Variants in ATP8B1 observed in about 807,000 individuals in gnomAD.
ATP8B1 encodes the protein ATPase phospholipid transporting 8B1, also known as phospholipid-transporting ATPase IC.
In ATP8B1, 80 loss-of-function variants were observed where a neutral mutation model predicts 149.9. That is an observed-to-expected ratio of 0.53 (90% CI 0.45 to 0.64). ATP8B1 has a LOEUF of 0.64. Among genes scored for constraint, ATP8B1 ranks in the 30% least tolerant of loss-of-function variants. The pLI is 0.00. For missense variants in ATP8B1, 1,247 were observed against 1,552.6 expected (o/e 0.80, Z 3.31); for synonymous variants, 536 against 562.8 (o/e 0.95, Z 0.67).
In ATP8B1 at chr18:57,672,932, A is replaced by AT. The variant is rs1491183286; in HGVS notation, c.1820-1353_1820-1352insA. Among the ~76,000 whole-genome samples the AT allele has an allele frequency of 8.8e-3, 281 of 32,054 alleles. 24 individuals are homozygous for AT. Among genetic ancestry groups the AT allele is most frequent in the Middle Eastern group, 0.017 (1 of 58 alleles). 21.0% of individuals were successfully genotyped at this position (32,054 alleles called of 152,430 possible). A position where few individuals can be genotyped will look rare whatever the true frequency, so the allele number is the denominator to read the frequency against. ...TATATATATATATATATATATATAT[A>AT]ACATGTATATACACATATATACATA... On this transcript the variant is annotated intron_variant, in intron 16 of 27. Transcript: ENST00000648908.
chr18:57,719,730 G>A (rs572360002), intron 2 of ATP8B1, among the ~76,000 whole-genome samples: 29 of 152,330 alleles, frequency 1.9e-4, no homozygotes, highest in Middle Eastern at 3.4e-3. Flanking sequence ...CAAAGCAGCC[G>A]GGAAGCTCGA....
At chr18:57,789,999 G>A (rs1195308490) in intron 1 of ATP8B1, among the ~76,000 whole-genome samples, 1 of 152,060 alleles carries the variant, frequency 6.6e-6, no homozygotes, top group East Asian at 1.9e-4. Context: ...AGGTGTCCCA[G>A]CAACTCAAAC....
intron 1 of ATP8B1, among the ~76,000 whole-genome samples, chr18:57,795,045 A>G (rs147091766): frequency 1.3e-5 from 2 of 152,286 alleles, no homozygotes; most frequent in African/African-American, 4.8e-5. Flanking sequence ...GGGGGGCTCA[A>G]AAACTGACAT....
At chr18:57,764,386 T>C (rs1303902210) in intron 1 of ATP8B1, among the ~76,000 whole-genome samples, 3 of 148,352 alleles carry the variant, frequency 2.0e-5, no homozygotes, top group Middle Eastern at 3.3e-3. Context: ...TCTCTTTTTC[T>C]CTCTTTCTCT....
intron 1 of ATP8B1, among the ~76,000 whole-genome samples, chr18:57,790,287 G>A (rs560239511): frequency 6.6e-6 from 1 of 151,746 alleles, no homozygotes; most frequent in South Asian, 2.1e-4. Context: ...CCTTGCTTCT[G>A]GCCTCATTCC....
At chr18:57,731,268 T>C (rs2123131483) in intron 2 of ATP8B1, 1 of 147,672 alleles carries the variant, frequency 6.8e-6, no homozygotes, top group African/African-American at 2.6e-5. Flanking sequence ...TTCACACCAC[T>C]GGACTCCAGC....
intron 1 of ATP8B1, among the ~76,000 whole-genome samples, chr18:57,790,784 G>A (rs73446941): frequency 0.02 from 3,077 of 152,104 alleles, 82 homozygotes; most frequent in African/African-American, 0.062. Flanking sequence ...GCAGTGGTGC[G>A]ATCTCCACTC....
chr18:57,789,483 T>C lies in ATP8B1; in HGVS notation c.-26+13515A>G, dbSNP rs548249488. Among the ~76,000 whole-genome samples the C allele has an allele frequency of 7.2e-5, 11 of 152,306 alleles. No homozygotes were observed. The East Asian group carries it at 1.7e-3, about 24-fold the overall frequency. On this transcript the variant is annotated intron_variant, in intron 1 of 27. Transcript: ENST00000648908. ...ATATAACATGTGGAAATACAGTACA[T>C]TGAGCACAAAAGCAGCACCACTTTG...
intron 15 of ATP8B1, among the ~76,000 whole-genome samples, chr18:57,677,681 T>C (rs1911682185): frequency 6.6e-6 from 1 of 152,220 alleles, no homozygotes; most frequent in Admixed American, 6.5e-5. Flanking sequence ...AGTCATTCAC[T>C]AGAAGCTATA....
At chr18:57,753,931 C>CAAAAAAAAA (rs1218057370) in intron 1 of ATP8B1, among the ~76,000 whole-genome samples, 1 of 70,798 alleles carries the variant, frequency 1.4e-5, no homozygotes, top group Non-Finnish European at 2.5e-5. Context: ...GACTCTGTCT[C>CAAAAAAAAA]AAAAAAAAAA....
chr18:57,756,350 G>T (rs2080084039), intron 1 of ATP8B1, among the ~76,000 whole-genome samples: 2 of 138,754 alleles, frequency 1.4e-5, no homozygotes, highest in Admixed American at 1.5e-4. Context: ...ACCCAGGCTG[G>T]AGTGCAGTGG....
rs753142591 is a variant in ATP8B1 at position 57,704,608 on chromosome 18, C to G, written c.340G>C (p.Glu114Gln). Residue 114 changes from glutamate to glutamine, a missense_variant, in exon 4 of 28, where the codon GAG (glutamate) becomes CAG (glutamine). By Grantham distance (29) the Glu-to-Gln change is conservative. This residue lies in a region of ATP8B1 where 853 missense variants were observed against 1,035.7 expected (regional missense o/e 0.82). Coordinates refer to ENST00000648908, the MANE Select transcript of ATP8B1 (RefSeq NM_001374385.1). ...AAATTGGCTGCTCTCTTAAACTGCTCAAACAGATTCATTGGTATAAAGGTA... is the reference window on the plus strand; with the variant it reads ...AAATTGGCTGCTCTCTTAAACTGCTGAAACAGATTCATTGGTATAAAGGTA... ...AFTFIPMNLF[E>Q]QFKRAANLYF... 1.9e-5 allele frequency: 31 copies of G among 1,612,012 alleles called. No homozygotes were observed. Among genetic ancestry groups the G allele is most frequent in the Non-Finnish European group, 2.4e-5 (28 of 1,178,254 alleles).
At chr18:57,771,141 G>T (rs1009697740) in intron 1 of ATP8B1, among the ~76,000 whole-genome samples, 1 of 152,220 alleles carries the variant, frequency 6.6e-6, no homozygotes, top group Non-Finnish European at 1.5e-5. Context: ...AATTACAGGC[G>T]TGAGCCATTG....
At chr18:57,736,352 G>A (rs941537651) in intron 1 of ATP8B1, among the ~76,000 whole-genome samples, 3 of 150,658 alleles carry the variant, frequency 2.0e-5, no homozygotes, top group Non-Finnish European at 4.4e-5. Flanking sequence ...TTTTGTTGTT[G>A]TTGTTGCCTG....
chr18:57,680,448 G>C (rs1017432659), intron 15 of ATP8B1, among the ~76,000 whole-genome samples: 8 of 149,880 alleles, frequency 5.3e-5, no homozygotes, highest in Non-Finnish European at 7.4e-5. Flanking sequence ...AGCTGGGTGT[G>C]GTGGGGCATG....
At chr18:57,760,149 G>A (rs1357400170) in intron 1 of ATP8B1, among the ~76,000 whole-genome samples, 3 of 151,980 alleles carry the variant, frequency 2.0e-5, no homozygotes, top group Admixed American at 6.6e-5. Flanking sequence ...AAAGATCGGG[G>A]GGAAAAAATG....
chr18:57,671,599 A>C lies in ATP8B1; in HGVS notation c.1820-19T>G. On this transcript the variant is annotated intron_variant, in intron 16 of 27. Transcript: ENST00000648908. ...GTTCTTACTGGTAGTAAAAGAAGGA[A>C]ATAAACACAACAAAGTTTGATTTTT... The C allele has an allele frequency of 6.5e-7, 1 of 1,540,678 alleles. No individual in the cohort carries two copies.
At chr18:57,697,188 G>T (rs556826219) in intron 8 of ATP8B1, among the ~76,000 whole-genome samples, 2 of 152,228 alleles carry the variant, frequency 1.3e-5, no homozygotes, top group East Asian at 3.9e-4. Flanking sequence ...TTGAACCCAG[G>T]GGGTGTGGAG....
At chr18:57,776,115 G>A (rs1433918394) in intron 1 of ATP8B1, among the ~76,000 whole-genome samples, 1 of 152,096 alleles carries the variant, frequency 6.6e-6, no homozygotes. Context: ...TATAGTTTCT[G>A]AACAATAAAT....
Sources: allele counts gnomAD v4.1 joint callset (sites outside exome capture counted in the v4.1 genomes callset), GRCh38; gene constraint gnomAD v4.1.1; regional missense constraint gnomAD v4.1.1; transcripts MANE v1.5; gene names NCBI Gene and HGNC (gene_info 2026-07-23, HGNC 2026-07-21).